The following KCTD8 variants were observed in gnomAD, a reference collection of about 807,000 sequenced individuals.
KCTD8 encodes potassium channel tetramerization domain containing 8, also known as BTB/POZ domain-containing protein KCTD8.
In KCTD8, 27 loss-of-function variants were observed where a neutral mutation model predicts 31.5. The observed-to-expected ratio is 0.86, with a 90% CI of 0.63 to 1.18. The LOEUF (loss-of-function observed/expected upper bound fraction) is 1.18. Among genes scored for constraint, KCTD8 ranks in the 50% most tolerant of loss-of-function variants. The probability of loss-of-function intolerance (pLI) is 0.00; values close to 1 mark genes in which losing one functional copy is unlikely to be tolerated. For missense variants in KCTD8, 658 were observed against 647.7 expected, an observed-to-expected ratio of 1.02 and a Z score of -0.17; for synonymous variants, 290 against 280.0, an observed-to-expected ratio of 1.04 and a Z score of -0.36.
chr4:44,193,110 A>G lies in KCTD8; in HGVS notation c.962-17860T>C, dbSNP rs1713814843. ...ACTAATACACCACTAGTTGAAAAAG[A>G]TAATAAGCTGAGATAAACAAACCTA... On this transcript the variant is annotated intron_variant, in intron 1 of 1. Transcript: ENST00000360029. 3.9e-5 allele frequency among the ~76,000 whole-genome samples: 6 copies of G among 152,348 alleles called. No individual in the cohort carries two copies. The South Asian group carries it at 1.2e-3, about 32-fold the overall frequency.
chr4:44,441,386 A>G (rs984726631), intron 1 of KCTD8, among the ~76,000 whole-genome samples: 2 of 152,200 alleles, frequency 1.3e-5, no homozygotes, highest in Admixed American at 1.3e-4. Flanking sequence ...ATACGATAGC[A>G]TTAATCCATA....
chr4:44,410,326 C>T (rs779432041), intron 1 of KCTD8, among the ~76,000 whole-genome samples: 12 of 152,044 alleles, frequency 7.9e-5, no homozygotes, highest in Non-Finnish European at 1.5e-4. Flanking sequence ...ATACTAATCA[C>T]AATAATAATA....
intron 1 of KCTD8, among the ~76,000 whole-genome samples, chr4:44,444,557 T>A (rs980765355): frequency 1.3e-5 from 2 of 152,214 alleles, no homozygotes; most frequent in Non-Finnish European, 2.9e-5. Flanking sequence ...ACAGCTAACA[T>A]TTGTTAAGCT....
intron 1 of KCTD8, among the ~76,000 whole-genome samples, chr4:44,288,780 C>G (rs980494164): frequency 6.6e-6 from 1 of 151,910 alleles, no homozygotes; most frequent in Admixed American, 6.6e-5. Context: ...AAATTAATTT[C>G]TTTCTGACTA....
chr4:44,181,968 T>A (rs1209821964), intron 1 of KCTD8, among the ~76,000 whole-genome samples: 1 of 150,306 alleles, frequency 6.7e-6, no homozygotes, highest in Non-Finnish European at 1.5e-5. Context: ...GAGGAGCCCC[T>A]CCGCCCGGCA....
At chr4:44,421,248 G>A (rs7664085) in intron 1 of KCTD8, among the ~76,000 whole-genome samples, 19,906 of 151,830 alleles carry the variant, frequency 0.13, 2,628 homozygotes, top group African/African-American at 0.33. Context: ...TAAAGACTTC[G>A]AAAGAGACAC....
At chr4:44,403,126 T>C (rs1283939160) in intron 1 of KCTD8, among the ~76,000 whole-genome samples, 5 of 152,154 alleles carry the variant, frequency 3.3e-5, no homozygotes, top group African/African-American at 9.7e-5. Context: ...ATATATCTTG[T>C]CAAGCATATA....
At chr4:44,193,980 T>C (rs150833302) in intron 1 of KCTD8, among the ~76,000 whole-genome samples, 172 of 152,256 alleles carry the variant, frequency 1.1e-3, no homozygotes, top group Non-Finnish European at 2.0e-3. Flanking sequence ...AGATGAGATG[T>C]AGAGGGAATA....
chr4:44,174,559 C>A lies in KCTD8; in HGVS notation c.*231G>T, dbSNP rs1713140563. 1 of 411,544 alleles carries A rather than the reference C, an allele frequency of 2.4e-6. No individual in the cohort carries two copies. The highest frequency in any genetic ancestry group is 4.3e-6 in the Non-Finnish European group (1 of 233,810). The allele number at this position is 411,544 out of a possible 1,614,324, so 25.5% of individuals were successfully genotyped here. On this transcript the variant is annotated 3_prime_UTR_variant, in exon 2 of 2. Coordinates refer to ENST00000360029, the MANE Select transcript of KCTD8 (RefSeq NM_198353.3). Reference sequence around the variant, plus strand: ...TTCATTCTTGTAAAATGGTTTGAATCAGATATTCCATTTTGATTTAACACT... The same window carrying A: ...TTCATTCTTGTAAAATGGTTTGAATAAGATATTCCATTTTGATTTAACACT...
At chr4:44,259,328 T>C (rs1380541902) in intron 1 of KCTD8, among the ~76,000 whole-genome samples, 5 of 151,936 alleles carry the variant, frequency 3.3e-5, no homozygotes, top group Admixed American at 3.3e-4. Flanking sequence ...CCTTCAAATA[T>C]AATCAGCCGG....
rs1044821812 is a variant in KCTD8 at position 44,256,178 on chromosome 4, C to A, written c.962-80928G>T. Among the ~76,000 whole-genome samples the A allele has an allele frequency of 2.6e-5, 4 of 151,842 alleles. 1 individual carries two copies. Among genetic ancestry groups the A allele is most frequent in the African/African-American group, 2.4e-5 (1 of 41,370 alleles). ...CATTATTCAATTACCTCCCACCAGT[C>A]CCTCCCACGACGTGAGAATTATGAG... is the stretch of plus-strand genomic sequence containing the variant. On this transcript the variant is annotated intron_variant, in intron 1 of 1. Transcript: ENST00000360029.
chr4:44,417,080 T>C (rs1721092610), intron 1 of KCTD8, among the ~76,000 whole-genome samples: 1 of 152,170 alleles, frequency 6.6e-6, no homozygotes, highest in African/African-American at 2.4e-5. Context: ...CAAGGTCACA[T>C]AGTTAATAAG....
At chr4:44,175,797 T>A (rs978664118) in intron 1 of KCTD8, among the ~76,000 whole-genome samples, 14 of 152,338 alleles carry the variant, frequency 9.2e-5, no homozygotes, top group Admixed American at 2.6e-4. Context: ...GGTTTAAATC[T>A]TATTCTTAGT....
chr4:44,334,058 A>G (rs1718655308), intron 1 of KCTD8, among the ~76,000 whole-genome samples: 1 of 152,124 alleles, frequency 6.6e-6, no homozygotes, highest in Admixed American at 6.5e-5. Flanking sequence ...TAGGAAACTT[A>G]TAGAGAATTT....
intron 1 of KCTD8, among the ~76,000 whole-genome samples, chr4:44,419,699 C>T (rs1047743958): frequency 1.3e-5 from 2 of 149,268 alleles, no homozygotes; most frequent in East Asian, 2.0e-4. Context: ...CGGGGCCTGT[C>T]GGGGGATGGG....
chr4:44,201,817 C>A (rs1011494067), intron 1 of KCTD8, among the ~76,000 whole-genome samples: 3 of 152,088 alleles, frequency 2.0e-5, no homozygotes, highest in Non-Finnish European at 4.4e-5. Flanking sequence ...AACTAAAGAT[C>A]TTTTGCACAG....
intron 1 of KCTD8, among the ~76,000 whole-genome samples, chr4:44,426,315 A>C (rs905007670): frequency 8.3e-6 from 1 of 121,020 alleles, no homozygotes; most frequent in African/African-American, 2.6e-5. Context: ...AAACCCACCA[A>C]AAAAAATTAG....
chr4:44,344,171 TTTAATTAA>T (rs59061396), intron 1 of KCTD8, among the ~76,000 whole-genome samples: 1 of 151,880 alleles, frequency 6.6e-6, no homozygotes, highest in Non-Finnish European at 1.5e-5. Context: ...TTACAGGTTT[TTTAATTAA>T]TTAATTAATT....
chr4:44,308,368 G>C (rs954106377), intron 1 of KCTD8, among the ~76,000 whole-genome samples: 1 of 151,636 alleles, frequency 6.6e-6, no homozygotes, highest in Non-Finnish European at 1.5e-5. Flanking sequence ...AGTAGAACCT[G>C]TTCCATATTT....
Sources: allele counts gnomAD v4.1 joint callset (sites outside exome capture counted in the v4.1 genomes callset), GRCh38; gene constraint gnomAD v4.1.1; transcripts MANE v1.5; gene names NCBI Gene and HGNC (gene_info 2026-07-23, HGNC 2026-07-21).